Variants in RAB32 observed in about 807,000 individuals in gnomAD.
The protein encoded by RAB32 is RAB32, member RAS oncogene family, also known as ras-related protein Rab-32.
Under a neutral mutation model 17.5 loss-of-function variants are expected in RAB32, and 17 were observed. That is an observed-to-expected ratio of 0.97 (90% CI 0.67 to 1.46). The LOEUF is 1.46. Ranked by LOEUF, RAB32 falls within the 40% of genes most tolerant of loss-of-function variation. The probability of loss-of-function intolerance (pLI) is 0.00; values close to 1 mark genes in which losing one functional copy is unlikely to be tolerated. For synonymous variants in RAB32, 115 were observed against 111.1 expected, an observed-to-expected ratio of 1.04 and a Z score of -0.22; for missense variants, 288 against 284.3, an observed-to-expected ratio of 1.01 and a Z score of -0.09.
In RAB32 at chr6:146,549,455, T is replaced by C; in HGVS notation, c.251-9T>C. 1 of 1,602,660 alleles carries C rather than the reference T, an allele frequency of 6.2e-7. No individual in the cohort carries two copies. Among genetic ancestry groups the C allele is most frequent in the Non-Finnish European group, 8.5e-7 (1 of 1,175,678 alleles). On this transcript the variant is annotated splice_polypyrimidine_tract_variant and intron_variant, in intron 1 of 2. Transcript: ENST00000367495. ...CAAGTTTTTAATTTTTTCTTATATT[T>C]ATGTCTAGGGCAGGAGCGATTTGGC...
rs887473249 is a variant in RAB32, at chr6:146,544,211, T to C, written c.250+90T>C. On this transcript the variant is annotated intron_variant, in intron 1 of 2. Transcript: ENST00000367495. The stretch of plus-strand genomic sequence containing the variant: ...TTTTCTTTTTCTTTTCTGCCTGAAC[T>C]CGTCTGCCTGGGTACCTTTAGGAGA... The C allele has an allele frequency of 2.8e-6, 4 of 1,447,016 alleles. No homozygotes were observed. The African/African-American group carries it at 5.8e-5, about 21-fold the overall frequency. The allele number at this position is 1,447,016 out of a possible 1,614,324, so 89.6% of individuals were successfully genotyped here.
chr6:146,553,130 G>T (rs148391262), intron 2 of RAB32, among the ~76,000 whole-genome samples: 2 of 151,958 alleles, frequency 1.3e-5, no homozygotes, highest in Non-Finnish European at 2.9e-5. Flanking sequence ...GGTTAGTCAC[G>T]TATGTATACA....
At position 146,554,447 on chromosome 6, in the gene RAB32, G is replaced by T; in HGVS notation, c.529-9G>T. 3 of 1,596,546 alleles carry T rather than the reference G, an allele frequency of 1.9e-6. No individual in the cohort carries two copies. Among genetic ancestry groups the T allele is most frequent in the Non-Finnish European group, 2.6e-6 (3 of 1,174,852 alleles). ...AAAATTAATCCCGTTCTTCATTTCT[G>T]CATTACAGGATAACATAAACATAGA... On this transcript the variant is annotated splice_polypyrimidine_tract_variant and intron_variant, in intron 2 of 2. Coordinates refer to ENST00000367495, the MANE Select transcript of RAB32 (RefSeq NM_006834.5).
intron 1 of RAB32, among the ~76,000 whole-genome samples, chr6:146,549,067 C>T (rs537951571): frequency 6.6e-6 from 1 of 152,332 alleles, no homozygotes; most frequent in South Asian, 2.1e-4. Flanking sequence ...CTGCACTTAT[C>T]TCCTTCCTGC....
At chr6:146,545,509 AT>A (rs1779809583) in intron 1 of RAB32, among the ~76,000 whole-genome samples, 1 of 152,146 alleles carries the variant, frequency 6.6e-6, no homozygotes, top group African/African-American at 2.4e-5. Context: ...TGCTCTTGTC[AT>A]TTATAGCTTG....
chr6:146,554,586 A>G lies in RAB32; in HGVS notation c.659A>G (p.Asn220Ser), dbSNP rs370281623. 2.5e-6 allele frequency: 4 copies of G among 1,612,740 alleles called. No homozygotes were observed. The highest frequency in any genetic ancestry group is 2.2e-5 in the East Asian group (1 of 44,864). ...KLDQETLRAE[N>S]KSQCC ...GATCAAGAGACCTTGAGAGCAGAGAACAAATCCCAGTGTTGCTGATATATG... is the reference window on the plus strand; with the variant it reads ...GATCAAGAGACCTTGAGAGCAGAGAGCAAATCCCAGTGTTGCTGATATATG... The change falls in exon 3 of 3, where the codon AAC becomes AGC. Residue 220 changes from asparagine to serine, a missense_variant. Transcript: ENST00000367495.
chr6:146,549,818 T>C, intron 2 of RAB32, 77 bp downstream of exon 2: 2 of 1,456,444 alleles, frequency 1.4e-6, no homozygotes, highest in Non-Finnish European at 1.9e-6. Context: ...TATTTAGATA[T>C]ATTTATGTGA....
chr6:146,546,912 T>C (rs3804288), intron 1 of RAB32, among the ~76,000 whole-genome samples: 108,497 of 151,508 alleles, frequency 0.72, 39,146 homozygotes, highest in African/African-American at 0.74. Context: ...TTTCTACACA[T>C]GTAGCTAAGC....
chr6:146,544,160 C>T, intron 1 of RAB32, 39 bp downstream of exon 1: 1 of 1,569,836 alleles, frequency 6.4e-7, no homozygotes, highest in Non-Finnish European at 8.6e-7. Flanking sequence ...AGAGCCCCGC[C>T]GGGCCGCCTG....
intron 1 of RAB32, 35 bp downstream of exon 1, chr6:146,544,156 C>T: frequency 6.4e-7 from 1 of 1,572,724 alleles, no homozygotes; most frequent in South Asian, 1.1e-5. Flanking sequence ...CTCCAGAGCC[C>T]CGCCGGGCCG....
At chr6:146,546,492 C>G (rs1168227931) in intron 1 of RAB32, among the ~76,000 whole-genome samples, 2 of 151,634 alleles carry the variant, frequency 1.3e-5, no homozygotes, top group African/African-American at 4.8e-5. Flanking sequence ...AACAAAAAAT[C>G]CTTAGCCTAA....
Position 146,544,161 on chromosome 6 carries a change from G to A in RAB32, c.250+40G>A, listed in dbSNP as rs775493473. The A allele has an allele frequency of 7.0e-6, 11 of 1,566,198 alleles. 1 individual carries two copies. Among genetic ancestry groups the A allele is most frequent in the Admixed American group, 5.5e-5 (3 of 54,110 alleles). Reference sequence around the variant, plus strand: ...GAGTTTCCCACTCCAGAGCCCCGCCGGGCCGCCTGGCTCCTCTCTGCTTCT... The same window carrying A: ...GAGTTTCCCACTCCAGAGCCCCGCCAGGCCGCCTGGCTCCTCTCTGCTTCT... On this transcript the variant is annotated intron_variant, in intron 1 of 2. Transcript: ENST00000367495.
intron 2 of RAB32, among the ~76,000 whole-genome samples, chr6:146,553,392 TA>T (rs1779918827): frequency 6.6e-6 from 1 of 152,224 alleles, no homozygotes; most frequent in Non-Finnish European, 1.5e-5. Context: ...TGCTTCCTGA[TA>T]AACTGTGCAG....
chr6:146,547,983 T>C (rs560293132), intron 1 of RAB32, among the ~76,000 whole-genome samples: 16 of 152,318 alleles, frequency 1.1e-4, no homozygotes, highest in Admixed American at 4.6e-4. Flanking sequence ...TGGTTGGTAA[T>C]GTGTGCACTG....
chr6:146,554,821 G>T lies in RAB32; in HGVS notation c.*216G>T. On this transcript the variant is annotated 3_prime_UTR_variant, in exon 3 of 3. Coordinates refer to ENST00000367495, the MANE Select transcript of RAB32 (RefSeq NM_006834.5). ...AGATGACAATTAGGCTTTTGTCATT[G>T]TTGCCATCATATGGAAGATAATGTT... is the stretch of plus-strand genomic sequence containing the variant. 2.3e-6 allele frequency: 1 copy of T among 434,340 alleles called. No homozygotes were observed. The highest frequency in any genetic ancestry group is 5.5e-5 in the South Asian group (1 of 18,060). The allele number at this position is 434,340 out of a possible 1,614,324, so 26.9% of individuals were successfully genotyped here.
chr6:146,549,628 G>A lies in RAB32; in HGVS notation c.415G>A (p.Val139Ile), dbSNP rs1168895699. The A allele has an allele frequency of 5.6e-6, 9 of 1,614,046 alleles. No individual in the cohort carries two copies. Among genetic ancestry groups the A allele is most frequent in the Non-Finnish European group, 6.8e-6 (8 of 1,180,034 alleles). Residue 139 changes from valine (V) to isoleucine (I), a missense_variant, in exon 2 of 3, where the codon GTC becomes ATC. Transcript: ENST00000367495. ...TCCAAATGGCAGCCCTATCCCTGCT[G>A]TCCTCTTGGCTAACAAATGTGACCA... is the stretch of plus-strand genomic sequence containing the variant. Reference protein sequence around the residue: ...HLPNGSPIPAVLLANKCDQNK... With the variant: ...HLPNGSPIPAILLANKCDQNK...
In RAB32 at chr6:146,544,053, A is replaced by T; in HGVS notation, c.182A>T (p.Asp61Val). The part of the protein sequence containing the change: ...SQHYRATIGV[D>V]FALKVLNWDS... ...CACTACCGGGCCACCATCGGGGTGG[A>T]CTTCGCCCTCAAGGTCCTCAACTGG... Residue 61 changes from aspartate to valine, a missense_variant, in exon 1 of 3, where the codon GAC becomes GTC. By Grantham distance (152) the Asp-to-Val change is radical (BLOSUM62 -3). Transcript: ENST00000367495. 6.2e-7 allele frequency: 1 copy of T among 1,613,812 alleles called. No homozygotes were observed. Among genetic ancestry groups the T allele is most frequent in the Non-Finnish European group, 8.5e-7 (1 of 1,179,940 alleles).
chr6:146,554,608 T>A lies in RAB32; in HGVS notation c.*3T>A. 6.2e-7 allele frequency: 1 copy of A among 1,608,886 alleles called. No homozygotes were observed. The highest frequency in any genetic ancestry group is 8.5e-7 in the Non-Finnish European group (1 of 1,178,076). ...AGAACAAATCCCAGTGTTGCTGATA[T>A]ATGGCTTCTGCTTCTCTTGTGTGTG... On this transcript the variant is annotated 3_prime_UTR_variant, in exon 3 of 3. Coordinates refer to ENST00000367495, the MANE Select transcript of RAB32 (RefSeq NM_006834.5).
At chr6:146,545,449 T>C (rs1181071575) in intron 1 of RAB32, among the ~76,000 whole-genome samples, 1 of 152,194 alleles carries the variant, frequency 6.6e-6, no homozygotes, top group Non-Finnish European at 1.5e-5. Flanking sequence ...ACCTGGCTGG[T>C]AGCAGAGTGG....
Sources: gnomAD v4.1 joint callset for allele counts (sites outside exome capture counted in the v4.1 genomes callset) on GRCh38, gnomAD v4.1.1 for gene constraint, MANE v1.5 for transcripts, NCBI Gene and HGNC (gene_info 2026-07-23, HGNC 2026-07-21) for gene names.